Variants in KIF13A observed in about 807,000 individuals in gnomAD.
KIF13A encodes kinesin family member 13A.
Under a neutral mutation model 212.2 loss-of-function variants are expected in KIF13A, and 79 were observed. The observed-to-expected ratio is 0.37, with a 90% CI of 0.31 to 0.45. The LOEUF (loss-of-function observed/expected upper bound fraction) is 0.45, where lower values mean the gene tolerates loss of function less well. Among genes scored for constraint, KIF13A ranks in the 20% least tolerant of loss-of-function variants. The probability of loss-of-function intolerance (pLI) is 1.00; values close to 1 mark genes in which losing one functional copy is unlikely to be tolerated. For missense variants in KIF13A, 1,901 were observed against 2,209.0 expected (o/e 0.86, Z 2.79); for synonymous variants, 789 against 808.6 (o/e 0.98, Z 0.41).
intron 2 of KIF13A, among the ~76,000 whole-genome samples, chr6:17,959,341 C>T (rs961304408): frequency 1.3e-5 from 2 of 152,196 alleles, no homozygotes; most frequent in Admixed American, 6.5e-5. Context: ...ATTTTAAATA[C>T]ATTTGCAAAT....
intron 2 of KIF13A, among the ~76,000 whole-genome samples, chr6:17,983,756 G>C (rs1259406658): frequency 6.6e-6 from 1 of 152,036 alleles, no homozygotes; most frequent in Non-Finnish European, 1.5e-5. Context: ...CCAAAGTGCT[G>C]GGATTACAGG....
At chr6:17,904,045 T>A (rs921555645) in intron 2 of KIF13A, among the ~76,000 whole-genome samples, 1 of 150,920 alleles carries the variant, frequency 6.6e-6, no homozygotes, top group Non-Finnish European at 1.5e-5. Flanking sequence ...TAATCCCAGC[T>A]ACATTGGAGC....
intron 3 of KIF13A, among the ~76,000 whole-genome samples, chr6:17,894,257 G>T (rs1772357710): frequency 6.6e-6 from 1 of 151,604 alleles, no homozygotes; most frequent in African/African-American, 2.4e-5. Context: ...TCAGCCTCCT[G>T]AGTAGCTAGG....
chr6:17,804,821 A>AAAAAAAAAAAAAAAAAG, intron 19 of KIF13A, among the ~76,000 whole-genome samples: 1 of 130,082 alleles, frequency 7.7e-6, no homozygotes, highest in African/African-American at 3.3e-5. Context: ...TAAAAAAAAA[A>AAAAAAAAAAAAAAAAAG]AAAAAAAAAA....
At position 17,839,465 on chromosome 6, in the gene KIF13A, A is replaced by G. The variant is rs972310895; in HGVS notation, c.831-1882T>C. On this transcript the variant is annotated intron_variant, in intron 9 of 38. Coordinates refer to ENST00000259711, the MANE Select transcript of KIF13A (RefSeq NM_022113.6). The surrounding 1 kb of genome is among the most constrained non-coding windows in gnomAD (Gnocchi z 4.3). ...CACAGTGGAATATCATTTGGCCATA[A>G]AAGGGAATAAGTTCAGATACATGTA... Among the ~76,000 whole-genome samples, 2 of 152,208 alleles carry G rather than the reference A, an allele frequency of 1.3e-5. No individual in the cohort carries two copies. The highest frequency in any genetic ancestry group is 4.8e-5 in the African/African-American group (2 of 41,452).
chr6:17,983,449 T>C (rs1423158896), intron 2 of KIF13A, among the ~76,000 whole-genome samples: 1 of 150,974 alleles, frequency 6.6e-6, no homozygotes, highest in Non-Finnish European at 1.5e-5. Context: ...ACTCCATCCC[T>C]TCACCCACAC....
intron 3 of KIF13A, among the ~76,000 whole-genome samples, chr6:17,882,935 G>T (rs1771209607): frequency 6.6e-6 from 1 of 152,126 alleles, no homozygotes; most frequent in South Asian, 2.1e-4. Flanking sequence ...GATTCTGTAT[G>T]TGTGTATATA....
chr6:17,844,831 A>C (rs568912658), intron 9 of KIF13A, among the ~76,000 whole-genome samples: 1 of 152,330 alleles, frequency 6.6e-6, no homozygotes, highest in Non-Finnish European at 1.5e-5. Context: ...TAATGGACAG[A>C]AGTAAGCCAT....
chr6:17,864,528 C>T (rs1436528242), intron 4 of KIF13A, among the ~76,000 whole-genome samples: 1 of 152,162 alleles, frequency 6.6e-6, no homozygotes, highest in Non-Finnish European at 1.5e-5. Context: ...CTTGCTCTTC[C>T]ACCAGGCTAG....
rs1764968284 is a variant in KIF13A, at chr6:17,826,471, A to C, written c.1533-347T>G. On this transcript the variant is annotated intron_variant, in intron 14 of 38. Transcript: ENST00000259711. This position sits in a 1 kb window ranked among gnomAD's most constrained non-coding sequence, Gnocchi z 4.7. Reference sequence around the variant, plus strand: ...ATACAGAGAACAATGGAGGATGTGAAATGATGCCATGGGATGCAGTGAGCA... The same window carrying C: ...ATACAGAGAACAATGGAGGATGTGACATGATGCCATGGGATGCAGTGAGCA... Among the ~76,000 whole-genome samples the C allele has an allele frequency of 6.6e-6, 1 of 152,214 alleles. No homozygotes were observed. The highest frequency in any genetic ancestry group is 2.4e-5 in the African/African-American group (1 of 41,460).
chr6:17,902,090 A>G (rs560421035), intron 2 of KIF13A, among the ~76,000 whole-genome samples: 68 of 152,356 alleles, frequency 4.5e-4, no homozygotes, highest in African/African-American at 1.5e-3. Context: ...GTGTGGCTTC[A>G]TTACAGAAAG....
In KIF13A at chr6:17,836,862, A is replaced by T; in HGVS notation, c.1155+16T>A. ...CCAGGGAACTTTACCAGCAGGGAGT[A>T]CCAGGCTGCTTTTACCTCTGCCTGA... On this transcript the variant is annotated intron_variant, in intron 11 of 38. Transcript: ENST00000259711. 1 of 1,609,886 alleles carries T rather than the reference A, an allele frequency of 6.2e-7. No homozygotes were observed. Among genetic ancestry groups the T allele is most frequent in the Non-Finnish European group, 8.5e-7 (1 of 1,176,440 alleles).
chr6:17,901,759 A>C (rs1306138894), intron 2 of KIF13A, among the ~76,000 whole-genome samples: 4 of 152,232 alleles, frequency 2.6e-5, no homozygotes, highest in African/African-American at 9.6e-5. Context: ...ATCTTTTAAC[A>C]ATATGGAAAA....
At chr6:17,875,133 C>T (rs1040660791) in intron 3 of KIF13A, among the ~76,000 whole-genome samples, 3 of 151,782 alleles carry the variant, frequency 2.0e-5, no homozygotes, top group South Asian at 2.1e-4. Flanking sequence ...GTATCTTTTT[C>T]GTATAATGAC....
At chr6:17,955,914 AGAT>A (rs1778318757) in intron 2 of KIF13A, among the ~76,000 whole-genome samples, 1 of 152,260 alleles carries the variant, frequency 6.6e-6, no homozygotes, top group Non-Finnish European at 1.5e-5. Flanking sequence ...TTATATTTAA[AGAT>A]GATGACACTA....
rs1388649733 is a variant in KIF13A, at chr6:17,809,202, T to C, written c.2001-272A>G. Among the ~76,000 whole-genome samples the C allele has an allele frequency of 1.3e-5, 2 of 152,142 alleles. No individual in the cohort carries two copies. The highest frequency in any genetic ancestry group is 2.9e-5 in the Non-Finnish European group (2 of 68,026). On this transcript the variant is annotated intron_variant, in intron 17 of 38. Transcript: ENST00000259711. The surrounding 1 kb of genome is among the most constrained non-coding windows in gnomAD (Gnocchi z 4.7). ...AAACGATCAGATTGTGATAGGAGGA[T>C]GCAAAAAACCAGTACAGGAATCTTT... is the stretch of plus-strand genomic sequence containing the variant.
chr6:17,857,951 A>T (rs546764982), intron 4 of KIF13A, among the ~76,000 whole-genome samples: 20 of 152,260 alleles, frequency 1.3e-4, no homozygotes, highest in African/African-American at 3.9e-4. Context: ...ACTACATAAC[A>T]TTTTTAAAAA....
rs1033898695 is a variant in KIF13A at position 17,888,182 on chromosome 6, T to C, written c.159+9986A>G. 2.6e-5 allele frequency among the ~76,000 whole-genome samples: 4 copies of C among 152,328 alleles called. No homozygotes were observed. Among genetic ancestry groups the C allele is most frequent in the African/African-American group, 2.4e-5 (1 of 41,578 alleles). Reference sequence around the variant, plus strand: ...AATCTATTTTCCACTACTTAGATTATAGTATATCTAATCTTCCTTATCATG... The same window carrying C: ...AATCTATTTTCCACTACTTAGATTACAGTATATCTAATCTTCCTTATCATG... On this transcript the variant is annotated intron_variant, in intron 3 of 38. Coordinates refer to ENST00000259711, the MANE Select transcript of KIF13A (RefSeq NM_022113.6). The surrounding 1 kb of genome is among the most constrained non-coding windows in gnomAD (Gnocchi z 4.8).
Position 17,767,161 on chromosome 6 carries a change from G to A in KIF13A, c.4582-2215C>T, listed in dbSNP as rs1241484546. ...TTTCCCAGGGTTGGGCAGAATGTTG[G>A]AGAAGGAACAAAGATTGAACAGAAT... is the stretch of plus-strand genomic sequence containing the variant. On this transcript the variant is annotated intron_variant, in intron 38 of 38. Coordinates refer to ENST00000259711, the MANE Select transcript of KIF13A (RefSeq NM_022113.6). Among the ~76,000 whole-genome samples the A allele has an allele frequency of 3.3e-5, 5 of 152,304 alleles. 1 individual carries two copies. In the South Asian group the frequency reaches 1.0e-3, roughly 32 times the overall value.
Sources: gnomAD v4.1 joint callset for allele counts (sites outside exome capture counted in the v4.1 genomes callset) on GRCh38, gnomAD v4.1.1 for gene constraint, Gnocchi (gnomAD v3.1) non-coding constraint, MANE v1.5 for transcripts, NCBI Gene and HGNC (gene_info 2026-07-23, HGNC 2026-07-21) for gene names.